Variants in HNF4G observed in about 807,000 individuals in gnomAD.
HNF4G encodes hepatocyte nuclear factor 4-gamma.
Under a neutral mutation model 50.9 loss-of-function variants are expected in HNF4G, and 21 were observed. The observed-to-expected ratio is 0.41, with a 90% confidence interval of 0.29 to 0.59. HNF4G has a LOEUF of 0.59. HNF4G is among the 20% of genes least tolerant of loss of function. The probability of loss-of-function intolerance (pLI) is 0.26; values close to 1 mark genes in which losing one functional copy is unlikely to be tolerated. For missense variants in HNF4G, 527 were observed against 559.4 expected (o/e 0.94, Z 0.58); for synonymous variants, 198 against 185.6 (o/e 1.07, Z -0.54).
At chr8:75,494,266 A>C (rs1812705238) in intron 2 of HNF4G, among the ~76,000 whole-genome samples, 1 of 151,290 alleles carries the variant, frequency 6.6e-6, no homozygotes, top group Non-Finnish European at 1.5e-5. Flanking sequence ...ATTTTTACAC[A>C]GAGTAAGGAA....
intron 1 of HNF4G, among the ~76,000 whole-genome samples, chr8:75,421,867 G>A (rs1810782672): frequency 6.6e-6 from 1 of 152,184 alleles, no homozygotes; most frequent in Non-Finnish European, 1.5e-5. Flanking sequence ...TTGAGCAACA[G>A]GGCATGTTTT....
chr8:75,486,357 G>C (rs1339209660), intron 1 of HNF4G, among the ~76,000 whole-genome samples: 1 of 152,110 alleles, frequency 6.6e-6, no homozygotes, highest in Non-Finnish European at 1.5e-5. Context: ...TTGAACCTTA[G>C]CAGTACCTTT....
At chr8:75,492,113 T>C (rs1216362140) in intron 2 of HNF4G, among the ~76,000 whole-genome samples, 3 of 152,260 alleles carry the variant, frequency 2.0e-5, no homozygotes, top group Admixed American at 2.0e-4. Flanking sequence ...GCTTTTAAGA[T>C]GAGTTTTCTA....
chr8:75,425,313 A>G (rs1303980038), intron 1 of HNF4G, among the ~76,000 whole-genome samples: 1 of 151,332 alleles, frequency 6.6e-6, no homozygotes, highest in Non-Finnish European at 1.5e-5. Flanking sequence ...TGAGCTCCCG[A>G]CCTCAAGTGA....
chr8:75,459,699 T>G (rs1811801080), intron 1 of HNF4G, among the ~76,000 whole-genome samples: 1 of 152,150 alleles, frequency 6.6e-6, no homozygotes, highest in African/African-American at 2.4e-5. Context: ...CATTTATGCA[T>G]TTAGTCATGT....
intron 2 of HNF4G, among the ~76,000 whole-genome samples, chr8:75,530,627 A>G (rs890766022): frequency 1.3e-5 from 2 of 152,110 alleles, no homozygotes; most frequent in Non-Finnish European, 2.9e-5. Flanking sequence ...TTTGAGTTCA[A>G]AAATTTAGAA....
intron 2 of HNF4G, among the ~76,000 whole-genome samples, chr8:75,525,894 G>A (rs1806165396): frequency 6.6e-6 from 1 of 152,030 alleles, no homozygotes; most frequent in Non-Finnish European, 1.5e-5. Context: ...TTTATGAGGT[G>A]GATGAGGAAA....
intron 1 of HNF4G, among the ~76,000 whole-genome samples, chr8:75,414,795 C>T (rs529249515): frequency 2.0e-5 from 3 of 152,192 alleles, no homozygotes; most frequent in Admixed American, 2.0e-4. Context: ...TATCCATTCA[C>T]TTGATGAACA....
intron 9 of HNF4G, among the ~76,000 whole-genome samples, chr8:75,562,707 T>G (rs536368129): frequency 5.5e-4 from 84 of 152,328 alleles, no homozygotes; most frequent in African/African-American, 2.0e-3. Context: ...AAAATCACAT[T>G]GTTACTTTCA....
chr8:75,478,341 G>A (rs1384352662), intron 1 of HNF4G, among the ~76,000 whole-genome samples: 1 of 152,094 alleles, frequency 6.6e-6, no homozygotes, highest in Non-Finnish European at 1.5e-5. Flanking sequence ...TAATGAACAC[G>A]GTTTAAAGGA....
At chr8:75,549,912 A>T (rs1806898300) in intron 3 of HNF4G, among the ~76,000 whole-genome samples, 1 of 152,020 alleles carries the variant, frequency 6.6e-6, no homozygotes. Flanking sequence ...TTCCAATTTC[A>T]TCCATGTCCC....
At chr8:75,507,425 C>T (rs1024559666) in intron 2 of HNF4G, among the ~76,000 whole-genome samples, 1 of 151,826 alleles carries the variant, frequency 6.6e-6, no homozygotes, top group African/African-American at 2.4e-5. Context: ...CATGCCCAGC[C>T]AATTTTTGTA....
chr8:75,472,978 T>C (rs1377810598), intron 1 of HNF4G, among the ~76,000 whole-genome samples: 2 of 152,148 alleles, frequency 1.3e-5, no homozygotes, highest in East Asian at 3.8e-4. Context: ...GTCTTCATTG[T>C]TGGGCAATGA....
intron 2 of HNF4G, among the ~76,000 whole-genome samples, chr8:75,534,801 C>T (rs2130772916): frequency 6.6e-6 from 1 of 151,624 alleles, no homozygotes; most frequent in East Asian, 1.9e-4. Context: ...AATTGAAATT[C>T]AACATGAATT....
At chr8:75,434,571 C>A (rs1811093507) in intron 1 of HNF4G, among the ~76,000 whole-genome samples, 1 of 151,514 alleles carries the variant, frequency 6.6e-6, no homozygotes, top group Non-Finnish European at 1.5e-5. Context: ...ATGTAATAAA[C>A]AAGGAAACAA....
At chr8:75,496,894 T>C (rs1222577801) in intron 2 of HNF4G, among the ~76,000 whole-genome samples, 1 of 152,080 alleles carries the variant, frequency 6.6e-6, no homozygotes, top group Non-Finnish European at 1.5e-5. Flanking sequence ...CTATGAGAAA[T>C]GCAGTTTTTG....
Position 75,556,043 on chromosome 8 carries a change from T to A in HNF4G, c.707T>A (p.Met236Lys). The A allele has an allele frequency of 1.3e-6, 2 of 1,577,932 alleles. 1 individual carries two copies. The highest frequency in any genetic ancestry group is 3.5e-5 in the Admixed American group (2 of 56,650). ...HLLLGATKRS[M>K]MYKDILLLGN... ...CTGCTTGGAGCTACAAAGAGATCCA[T>A]GATGTATAAAGATATTTTGCTTTTG... Residue 236 changes from methionine to lysine, a missense_variant, in exon 6 of 10, where the codon ATG becomes AAG. Physicochemically the swap from Met to Lys is moderately conservative, Grantham distance 95. This residue lies in a region of HNF4G where 308 missense variants were observed against 301.5 expected (regional missense o/e 1.02). Coordinates refer to ENST00000396423, the MANE Select transcript of HNF4G (RefSeq NM_004133.5).
intron 9 of HNF4G, among the ~76,000 whole-genome samples, chr8:75,561,898 T>G (rs963008986): frequency 1.3e-5 from 2 of 152,166 alleles, no homozygotes; most frequent in Non-Finnish European, 1.5e-5. Context: ...CTAATTCTAT[T>G]TTTTCTAAGC....
chr8:75,490,279 C>T (rs535375300), intron 2 of HNF4G: 1 of 152,474 alleles, frequency 6.6e-6, no homozygotes, highest in South Asian at 2.1e-4. Flanking sequence ...TTGTAAAGAC[C>T]TCTTTTCTTC....
Sources: gnomAD v4.1 joint callset for allele counts (sites outside exome capture counted in the v4.1 genomes callset) on GRCh38, gnomAD v4.1.1 for gene constraint, gnomAD v4.1.1 regional missense constraint, MANE v1.5 for transcripts, NCBI Gene and HGNC (gene_info 2026-07-23, HGNC 2026-07-21) for gene names.